Variants in DYRK4 observed in about 807,000 individuals in gnomAD.
DYRK4 encodes dual specificity tyrosine phosphorylation regulated kinase 4.
In DYRK4, 64 loss-of-function variants were observed where a neutral mutation model predicts 68.3. The ratio of observed to expected loss-of-function variants is 0.94; its 90% CI spans 0.77 to 1.15. The LOEUF is 1.15. DYRK4 is among the 50% of genes most tolerant of loss of function. The probability of loss-of-function intolerance (pLI) is 0.00; values close to 1 mark genes in which losing one functional copy is unlikely to be tolerated. For synonymous variants in DYRK4, 274 were observed against 289.9 expected (o/e 0.95, Z 0.56); for missense variants, 740 against 764.7 (o/e 0.97, Z 0.38).
At chr12:4,595,876 T>C (rs1366353891) in intron 6 of DYRK4, among the ~76,000 whole-genome samples, 1 of 152,216 alleles carries the variant, frequency 6.6e-6, no homozygotes, top group Non-Finnish European at 1.5e-5. Flanking sequence ...GATCCCAAGT[T>C]TCCTAAAACC....
At chr12:4,566,377 G>GA (rs898109074) in intron 1 of DYRK4, among the ~76,000 whole-genome samples, 1 of 152,192 alleles carries the variant, frequency 6.6e-6, no homozygotes, top group Admixed American at 6.5e-5. Context: ...AAAATTTCTG[G>GA]AAAAAACAAT....
At chr12:4,595,241 C>T (rs1055364551) in intron 6 of DYRK4, among the ~76,000 whole-genome samples, 1 of 152,168 alleles carries the variant, frequency 6.6e-6, no homozygotes, top group African/African-American at 2.4e-5. Flanking sequence ...CCTGTATGAA[C>T]AGACCCCTGG....
Position 4,591,402 on chromosome 12 carries a change from A to G in DYRK4, c.463+104A>G. 2 of 1,465,194 alleles carry G rather than the reference A, an allele frequency of 1.4e-6. No individual in the cohort carries two copies. The highest frequency in any genetic ancestry group is 1.8e-6 in the Non-Finnish European group (2 of 1,096,962). The allele number at this position is 1,465,194 out of a possible 1,614,324, so 90.8% of individuals were successfully genotyped here. On this transcript the variant is annotated intron_variant, in intron 5 of 14. Coordinates refer to ENST00000543431, the MANE Select transcript of DYRK4 (RefSeq NM_001394779.1). The surrounding 1 kb of genome is among the most constrained non-coding windows in gnomAD (Gnocchi z 4.1). The stretch of plus-strand genomic sequence containing the variant: ...GAGCTAAGCTGCCAGGTGTCAGAGT[A>G]GTCAAAGAAGGCAGCCAGCCAAGAG...
At chr12:4,570,901 C>G (rs1944724217) in intron 2 of DYRK4, among the ~76,000 whole-genome samples, 1 of 152,164 alleles carries the variant, frequency 6.6e-6, no homozygotes, top group Admixed American at 6.6e-5. Context: ...AGGGTAAAAC[C>G]TTGATGCCAG....
At chr12:4,581,178 C>A (rs2137342366) in intron 2 of DYRK4, among the ~76,000 whole-genome samples, 1 of 152,162 alleles carries the variant, frequency 6.6e-6, no homozygotes, top group South Asian at 2.1e-4. Flanking sequence ...TGCTGGGGGT[C>A]AGGGCCTGAC....
chr12:4,589,124 C>A, intron 3 of DYRK4, 107 bp downstream of exon 3: 1 of 988,918 alleles, frequency 1.0e-6, no homozygotes, highest in Non-Finnish European at 1.5e-6. Context: ...TAAAATGTAT[C>A]ATAACATGAT....
At chr12:4,575,297 TAC>T (rs1491443181) in intron 2 of DYRK4, among the ~76,000 whole-genome samples, 34 of 54,610 alleles carry the variant, frequency 6.2e-4, no homozygotes, top group African/African-American at 2.0e-3. Flanking sequence ...AACAATAACT[TAC>T]TGTGTGTGTG....
chr12:4,582,312 C>T (rs756800879), intron 2 of DYRK4, among the ~76,000 whole-genome samples: 8 of 152,102 alleles, frequency 5.3e-5, no homozygotes, highest in African/African-American at 1.2e-4. Flanking sequence ...GGCGTGGTGG[C>T]GCGTGCCTGT....
In DYRK4 at chr12:4,612,399, T is replaced by C. The variant is rs947920873; in HGVS notation, c.1491-144T>C. 1.0e-4 allele frequency: 87 copies of C among 830,494 alleles called. No homozygotes were observed. In the Middle Eastern group the frequency reaches 1.1e-3, roughly 11 times the overall value. The allele number at this position is 830,494 out of a possible 1,614,324, so 51.4% of individuals were successfully genotyped here. A position where few individuals can be genotyped will look rare whatever the true frequency, so the allele number is the denominator to read the frequency against. Reference sequence around the variant, plus strand: ...GTTGTTTCCAGGTACTTTTAAGTTATATGCCATAATCTCTGTTCTATGATT... The same window carrying C: ...GTTGTTTCCAGGTACTTTTAAGTTACATGCCATAATCTCTGTTCTATGATT... On this transcript the variant is annotated intron_variant, in intron 13 of 14. Transcript: ENST00000543431.
chr12:4,568,552 A>G (rs1944699511), intron 2 of DYRK4, among the ~76,000 whole-genome samples: 1 of 151,948 alleles, frequency 6.6e-6, no homozygotes, highest in Non-Finnish European at 1.5e-5. Context: ...CGGCTGGCTA[A>G]TTTTTGTATT....
intron 11 of DYRK4, among the ~76,000 whole-genome samples, chr12:4,605,312 C>A (rs144329551): frequency 2.6e-5 from 4 of 152,124 alleles, no homozygotes; most frequent in Non-Finnish European, 5.9e-5. Context: ...ATGTCATTTC[C>A]ATCATATTGT....
Position 4,589,024 on chromosome 12 carries a change from A to G in DYRK4, c.213+7A>G, listed in dbSNP as rs765274178. The stretch of plus-strand genomic sequence containing the variant: ...GACCCAAGTCTTTCATAAGGTAGGG[A>G]GTGATGGTCAGCTCCTTTTCTCTAG... On this transcript the variant is annotated splice_region_variant and intron_variant, in intron 3 of 14. Transcript: ENST00000543431. The G allele has an allele frequency of 1.3e-6, 2 of 1,535,856 alleles. No homozygotes were observed. Among genetic ancestry groups the G allele is most frequent in the South Asian group, 2.4e-5 (2 of 84,052 alleles).
At chr12:4,572,680 A>T (rs1944745008) in intron 2 of DYRK4, among the ~76,000 whole-genome samples, 1 of 152,088 alleles carries the variant, frequency 6.6e-6, no homozygotes, top group African/African-American at 2.4e-5. Context: ...AGGTCATTAA[A>T]TCTCTGACAT....
intron 13 of DYRK4, chr12:4,610,589 C>A: frequency 5.3e-6 from 1 of 188,674 alleles, no homozygotes; most frequent in Non-Finnish European, 1.1e-5. Flanking sequence ...ATCTTCCTGG[C>A]CTCAAACTGC....
Position 4,591,263 on chromosome 12 carries a change from C to A in DYRK4, c.428C>A (p.Ser143Ter), listed in dbSNP as rs1944950822. The A allele has an allele frequency of 6.2e-7, 1 of 1,614,068 alleles. No individual in the cohort carries two copies. Among genetic ancestry groups the A allele is most frequent in the South Asian group, 1.1e-5 (1 of 91,058 alleles). ...CAGGATCCCAAGGCAGAGGAGAAGT[C>A]ACCAAAGAAGCAAAAGGTGACTCTG... is the stretch of plus-strand genomic sequence containing the variant. ...KTQDPKAEEK[S>*]PKKQKVTLTA... The change falls in exon 5 of 15, where the codon TCA becomes TAA. Residue 143 changes from serine (S) to a stop codon, truncating the protein, a stop_gained. Coordinates refer to ENST00000543431, the MANE Select transcript of DYRK4 (RefSeq NM_001394779.1). LOFTEE classifies it high-confidence loss of function. The surrounding 1 kb of genome is among the most constrained non-coding windows in gnomAD (Gnocchi z 4.1).
intron 2 of DYRK4, among the ~76,000 whole-genome samples, chr12:4,582,748 G>A (rs181990931): frequency 6.6e-6 from 1 of 152,298 alleles, no homozygotes; most frequent in African/African-American, 2.4e-5. Context: ...CAGAGCAGGA[G>A]TGAAAGTGCT....
intron 7 of DYRK4, 147 bp from the exon 8 acceptor site, chr12:4,596,439 AGAG>A: frequency 6.7e-7 from 1 of 1,495,802 alleles, no homozygotes; most frequent in South Asian, 1.4e-5. Context: ...GAGGGGGCAA[AGAG>A]GAGGTGAGAG....
intron 10 of DYRK4, chr12:4,603,509 G>A (rs1204213479): frequency 4.2e-6 from 1 of 238,872 alleles, no homozygotes; most frequent in East Asian, 8.7e-5. Flanking sequence ...AAAATGCGGC[G>A]GCTGGGGTCA....
intron 10 of DYRK4, among the ~76,000 whole-genome samples, chr12:4,600,049 C>G (rs1459955915): frequency 6.6e-5 from 10 of 152,174 alleles, no homozygotes. Flanking sequence ...CCAAAACTAA[C>G]TAACTGTGTA....
Sources: allele counts gnomAD v4.1 joint callset (sites outside exome capture counted in the v4.1 genomes callset), GRCh38; gene constraint gnomAD v4.1.1; non-coding constraint Gnocchi (gnomAD v3.1); transcripts MANE v1.5; gene names NCBI Gene and HGNC (gene_info 2026-07-23, HGNC 2026-07-21).